SLC71A1: variants seen among roughly 807,000 people sequenced by gnomAD.
SLC71A1 encodes solute carrier family 71 member 1.
chr1:100,039,097 G>A, the SLC71A1 span, among the ~76,000 whole-genome samples: 3 of 152,226 alleles, frequency 2.0e-5, no homozygotes, highest in African/African-American at 7.2e-5. Flanking sequence ...ACTTTATGCA[G>A]TGTGTAGTTA....
At chr1:100,061,804 C>T in the SLC71A1 span, 8 of 1,312,334 alleles carry the variant, frequency 6.1e-6, no homozygotes, top group African/African-American at 7.3e-5. Flanking sequence ...GGTAATTGCT[C>T]TAACCATTTC....
At chr1:100,064,750 G>T in the SLC71A1 span, among the ~76,000 whole-genome samples, 3 of 150,152 alleles carry the variant, frequency 2.0e-5, no homozygotes, top group Admixed American at 6.6e-5. Context: ...TTGAGACAGG[G>T]TCCTGCTCTA....
chr1:100,066,101 C>T, the SLC71A1 span, among the ~76,000 whole-genome samples: 216 of 152,278 alleles, frequency 1.4e-3, 1 homozygote, highest in African/African-American at 5.0e-3. Flanking sequence ...CTTTAATCTT[C>T]ATCTTCACCA....
chr1:100,063,458 C>A, the SLC71A1 span, among the ~76,000 whole-genome samples: 1 of 151,804 alleles, frequency 6.6e-6, no homozygotes, highest in Non-Finnish European at 1.5e-5. Flanking sequence ...TATGATCATG[C>A]CACTACACTC....
At chr1:100,062,101 A>G in the SLC71A1 span, 1 of 549,440 alleles carries the variant, frequency 1.8e-6, no homozygotes, top group South Asian at 2.9e-5. Context: ...TACATTTAAA[A>G]TTTTTTTGCG....
the SLC71A1 span, chr1:100,061,963 T>A: frequency 7.1e-7 from 1 of 1,405,374 alleles, no homozygotes; most frequent in South Asian, 1.2e-5. Flanking sequence ...TGTATGTTTA[T>A]TCTATACCTT....
At chr1:100,064,081 A>G in the SLC71A1 span, among the ~76,000 whole-genome samples, 1 of 152,088 alleles carries the variant, frequency 6.6e-6, no homozygotes. Flanking sequence ...AATAACCACT[A>G]CATTTGAAAA....
the SLC71A1 span, among the ~76,000 whole-genome samples, chr1:100,046,966 T>C: frequency 6.6e-6 from 1 of 152,234 alleles, no homozygotes; most frequent in South Asian, 2.1e-4. Flanking sequence ...GGTGGAGTAT[T>C]TAGGGTTCTC....
chr1:100,069,769 G>A, the SLC71A1 span: 1 of 833,942 alleles, frequency 1.2e-6, no homozygotes, highest in Non-Finnish European at 2.1e-6. Flanking sequence ...ATGGTATCTT[G>A]GTGGAATCAA....
At chr1:100,076,978 T>C in the SLC71A1 span, among the ~76,000 whole-genome samples, 2 of 152,206 alleles carry the variant, frequency 1.3e-5, no homozygotes, top group Non-Finnish European at 1.5e-5. Context: ...AGTCTGGATC[T>C]ATGTCAGCAG....
the SLC71A1 span, chr1:100,038,366 C>A: frequency 6.8e-7 from 1 of 1,460,644 alleles, no homozygotes. Context: ...CCCATCCGGT[C>A]TCTCCTTCAG....
chr1:100,077,225 C>T, the SLC71A1 span: 1 of 1,593,868 alleles, frequency 6.3e-7, no homozygotes, highest in Non-Finnish European at 8.6e-7. Context: ...TTTACTGGGT[C>T]TAGGATTTCA....
At chr1:100,049,839 G>T in the SLC71A1 span, 1 of 760,096 alleles carries the variant, frequency 1.3e-6, no homozygotes. Flanking sequence ...TAACATCGTT[G>T]TTATTGTTAA....
the SLC71A1 span, among the ~76,000 whole-genome samples, chr1:100,044,851 C>G: frequency 6.6e-6 from 1 of 152,134 alleles, no homozygotes; most frequent in African/African-American, 2.4e-5. Context: ...CTGTTGTGTT[C>G]CATTGGTCTT....
chr1:100,077,304 A>C, the SLC71A1 span: 1 of 1,180,942 alleles, frequency 8.5e-7, no homozygotes, highest in Non-Finnish European at 1.2e-6. Flanking sequence ...TAATGTTAAT[A>C]TTTTTAATTT....
chr1:100,081,893 G>C, the SLC71A1 span: 6 of 776,340 alleles, frequency 7.7e-6, 1 homozygote, highest in South Asian at 8.9e-5. Flanking sequence ...CTTTAATAAA[G>C]AGAAGAGCAA....
the SLC71A1 span, among the ~76,000 whole-genome samples, chr1:100,049,017 G>A: frequency 5.3e-5 from 8 of 152,038 alleles, no homozygotes; most frequent in African/African-American, 1.7e-4. Context: ...TCCTTAATCC[G>A]TTCCCTCCCC....
At chr1:100,079,315 A>T in the SLC71A1 span, 1 of 151,876 alleles carries the variant, frequency 6.6e-6, no homozygotes, top group Non-Finnish European at 1.5e-5. Flanking sequence ...AGTTTCAGTC[A>T]TCTGAAGATA....
At chr1:100,081,917 C>T in the SLC71A1 span, 1 of 1,008,544 alleles carries the variant, frequency 9.9e-7, no homozygotes, top group Non-Finnish European at 1.5e-6. Context: ...GCTTGTAATT[C>T]ATAAGTTAAT....
Sources: gnomAD v4.1 joint callset for allele counts (sites outside exome capture counted in the v4.1 genomes callset) on GRCh38, gnomAD v4.1.1 for gene constraint, MANE v1.5 for transcripts, NCBI Gene and HGNC (gene_info 2026-07-23, HGNC 2026-07-21) for gene names.